The following FAT3 variants were observed in gnomAD, a reference collection of about 807,000 sequenced individuals.
FAT3 encodes the protein protocadherin Fat 3.
FAT3 carries 95 observed loss-of-function variants against 310.2 expected under a neutral mutation model. The observed-to-expected ratio is 0.31, with a 90% CI of 0.26 to 0.36. FAT3 has a LOEUF of 0.36. Among genes scored for constraint, FAT3 ranks in the 10% least tolerant of loss-of-function variants. FAT3 has a pLI of 1.00. For missense variants in FAT3, 5,408 were observed against 5,715.6 expected (o/e 0.95, Z 1.74); for synonymous variants, 2,314 against 2,192.9 (o/e 1.06, Z -1.54).
chr11:92,241,612 T>A (rs965729248), intron 1 of FAT3, among the ~76,000 whole-genome samples: 2 of 152,058 alleles, frequency 1.3e-5, no homozygotes, highest in Non-Finnish European at 2.9e-5. Flanking sequence ...TGAGCAGATG[T>A]ATTAATAGTT....
chr11:92,486,582 GCT>G (rs964422713), intron 2 of FAT3, among the ~76,000 whole-genome samples: 1 of 151,984 alleles, frequency 6.6e-6, no homozygotes, highest in Non-Finnish European at 1.5e-5. Context: ...GATTTTTTAT[GCT>G]CTCTCTTAGA....
intron 1 of FAT3, among the ~76,000 whole-genome samples, chr11:92,311,636 G>A (rs1256311411): frequency 6.6e-6 from 1 of 152,186 alleles, no homozygotes; most frequent in Non-Finnish European, 1.5e-5. Flanking sequence ...ACTTTGAGAA[G>A]AGACAAGAAG....
intron 1 of FAT3, among the ~76,000 whole-genome samples, chr11:92,342,676 C>T (rs1253900688): frequency 6.6e-6 from 1 of 152,132 alleles, no homozygotes; most frequent in African/African-American, 2.4e-5. Flanking sequence ...CTCTTCCAAG[C>T]TGTTTTTCCA....
chr11:92,323,415 T>A (rs942819448), intron 1 of FAT3, among the ~76,000 whole-genome samples: 1 of 151,892 alleles, frequency 6.6e-6, no homozygotes, highest in Admixed American at 6.6e-5. Context: ...GCCTGGATAA[T>A]TTTTTAATTT....
chr11:92,243,813 T>G (rs904664783), intron 1 of FAT3, among the ~76,000 whole-genome samples: 6 of 152,100 alleles, frequency 3.9e-5, no homozygotes, highest in African/African-American at 1.4e-4. Flanking sequence ...CATGAAATTT[T>G]GATTTGGGTA....
chr11:92,460,749 C>T (rs1025032932), intron 2 of FAT3, among the ~76,000 whole-genome samples: 25 of 152,178 alleles, frequency 1.6e-4, no homozygotes, highest in African/African-American at 6.0e-4. Flanking sequence ...ACACATGCAC[C>T]TAGTACCTCT....
chr11:92,673,131 G>T (rs1330124700), intron 3 of FAT3, among the ~76,000 whole-genome samples: 1 of 152,106 alleles, frequency 6.6e-6, no homozygotes, highest in African/African-American at 2.4e-5. Context: ...TATAGACCTT[G>T]GGTTCAGAAG....
At chr11:92,513,442 A>C (rs1953373899) in intron 2 of FAT3, among the ~76,000 whole-genome samples, 1 of 152,194 alleles carries the variant, frequency 6.6e-6, no homozygotes, top group Non-Finnish European at 1.5e-5. Context: ...GTTGGCTAAA[A>C]GTGGTTATGG....
chr11:92,580,343 G>A (rs898263952), intron 3 of FAT3, among the ~76,000 whole-genome samples: 2 of 151,882 alleles, frequency 1.3e-5, no homozygotes, highest in African/African-American at 4.8e-5. Context: ...TTGACATTAT[G>A]TATGTTTGAA....
chr11:92,311,351 A>G (rs1239403337), intron 1 of FAT3, among the ~76,000 whole-genome samples: 1 of 152,170 alleles, frequency 6.6e-6, no homozygotes, highest in Admixed American at 6.5e-5. Flanking sequence ...TTGGGGACGG[A>G]GATCCCTTTA....
intron 2 of FAT3, among the ~76,000 whole-genome samples, chr11:92,440,585 T>C (rs1951044828): frequency 6.6e-6 from 1 of 152,008 alleles, no homozygotes; most frequent in African/African-American, 2.4e-5. Flanking sequence ...GGGAATAGAA[T>C]GTTGAGGGCT....
At chr11:92,428,207 G>T (rs1591275779) in intron 2 of FAT3, among the ~76,000 whole-genome samples, 1 of 151,398 alleles carries the variant, frequency 6.6e-6, no homozygotes, top group Non-Finnish European at 1.5e-5. Context: ...ATTTCTGTGG[G>T]ATCAGTGGTG....
At chr11:92,395,957 G>T (rs570503933) in intron 2 of FAT3, among the ~76,000 whole-genome samples, 1 of 152,104 alleles carries the variant, frequency 6.6e-6, no homozygotes, top group African/African-American at 2.4e-5. Context: ...TTAGCCACTT[G>T]TACAGCAGTA....
At chr11:92,863,336 A>G (rs540869911) in intron 21 of FAT3, among the ~76,000 whole-genome samples, 101 of 152,324 alleles carry the variant, frequency 6.6e-4, no homozygotes, top group Non-Finnish European at 1.2e-3. Context: ...CATTTGCTAT[A>G]ACCACATGCC....
At chr11:92,763,717 C>A (rs1238081231) in intron 5 of FAT3, among the ~76,000 whole-genome samples, 2 of 152,144 alleles carry the variant, frequency 1.3e-5, no homozygotes, top group African/African-American at 4.8e-5. Flanking sequence ...TCCCTCTGGT[C>A]AGCCAGGACC....
intron 1 of FAT3, among the ~76,000 whole-genome samples, chr11:92,305,677 T>C (rs147453697): frequency 6.6e-6 from 1 of 152,162 alleles, no homozygotes; most frequent in East Asian, 1.9e-4. Flanking sequence ...CGTCCCAAAA[T>C]GCACACCACA....
At chr11:92,672,748 A>AG (rs1158433110) in intron 3 of FAT3, among the ~76,000 whole-genome samples, 1 of 152,200 alleles carries the variant, frequency 6.6e-6, no homozygotes, top group Non-Finnish European at 1.5e-5. Context: ...AAGACAAAGG[A>AG]GAGGTCAGTG....
At chr11:92,567,222 G>A (rs11020006) in intron 3 of FAT3, among the ~76,000 whole-genome samples, 30,333 of 94,104 alleles carry the variant, frequency 0.32, 5,151 homozygotes, top group African/African-American at 0.39. Context: ...AAAAGTGGGC[G>A]AAGGACATGA....
chr11:92,332,095 C>T (rs958749454), intron 1 of FAT3, among the ~76,000 whole-genome samples: 3 of 152,216 alleles, frequency 2.0e-5, no homozygotes, highest in South Asian at 2.1e-4. Context: ...GGAGGGGGCT[C>T]CTGAAGTGCC....
Sources: allele counts gnomAD v4.1 joint callset (sites outside exome capture counted in the v4.1 genomes callset), GRCh38; gene constraint gnomAD v4.1.1; transcripts MANE v1.5; gene names NCBI Gene and HGNC (gene_info 2026-07-23, HGNC 2026-07-21).